Variants in ADCY5 observed in about 807,000 individuals in gnomAD.
ADCY5 encodes the protein adenylate cyclase 5, also known as adenylate cyclase type 5.
Under a neutral mutation model 119.7 loss-of-function variants are expected in ADCY5, and 30 were observed. The ratio of observed to expected loss-of-function variants is 0.25; its 90% CI spans 0.19 to 0.34. The LOEUF is 0.34. Among genes scored for constraint, ADCY5 ranks in the 10% least tolerant of loss-of-function variants. The pLI is 1.00. For missense variants in ADCY5, 1,324 were observed against 1,775.2 expected, an observed-to-expected ratio of 0.75 and a Z score of 4.57; for synonymous variants, 753 against 762.2, an observed-to-expected ratio of 0.99 and a Z score of 0.20.
At chr3:123,437,172 C>A (rs539374135) in intron 1 of ADCY5, among the ~76,000 whole-genome samples, 1 of 152,214 alleles carries the variant, frequency 6.6e-6, no homozygotes, top group East Asian at 1.9e-4. Context: ...GCAGAGAGTT[C>A]TAGGAGACCA....
At chr3:123,430,450 A>G (rs1945500627) in intron 1 of ADCY5, among the ~76,000 whole-genome samples, 3 of 152,144 alleles carry the variant, frequency 2.0e-5, no homozygotes, top group Admixed American at 2.0e-4. Context: ...ACTGTCTGCC[A>G]GTGAAATCAC....
At chr3:123,443,470 G>A (rs929699983) in intron 1 of ADCY5, among the ~76,000 whole-genome samples, 4 of 151,916 alleles carry the variant, frequency 2.6e-5, no homozygotes, top group Non-Finnish European at 4.4e-5. Context: ...ATGCGCACGT[G>A]CTCACGTACA....
intron 12 of ADCY5, among the ~76,000 whole-genome samples, chr3:123,304,916 A>G (rs1004842646): frequency 6.6e-6 from 1 of 152,112 alleles, no homozygotes; most frequent in East Asian, 1.9e-4. Flanking sequence ...CTCCCATGCA[A>G]CCTAGGCTGA....
chr3:123,377,613 G>A (rs1943880825), intron 1 of ADCY5, among the ~76,000 whole-genome samples: 1 of 147,866 alleles, frequency 6.8e-6, no homozygotes, highest in African/African-American at 2.4e-5. Flanking sequence ...TGAGGGCAAG[G>A]CCTGTTCTGC....
chr3:123,376,889 G>A (rs1418345594), intron 1 of ADCY5, among the ~76,000 whole-genome samples: 2 of 152,184 alleles, frequency 1.3e-5, no homozygotes, highest in Non-Finnish European at 2.9e-5. Context: ...CCAAGAACTA[G>A]GTTTTGTATT....
At chr3:123,321,546 T>C (rs1273889820) in intron 8 of ADCY5, among the ~76,000 whole-genome samples, 1 of 152,108 alleles carries the variant, frequency 6.6e-6, no homozygotes, top group Non-Finnish European at 1.5e-5. Flanking sequence ...GGGTGGAATC[T>C]CAGAGGTGGT....
chr3:123,321,936 G>A (rs570420856), intron 8 of ADCY5, among the ~76,000 whole-genome samples: 58 of 152,286 alleles, frequency 3.8e-4, no homozygotes, highest in Non-Finnish European at 2.8e-4. Context: ...TGCCAGCACC[G>A]GCCCAGGATG....
chr3:123,438,600 T>C (rs1033416474), intron 1 of ADCY5, among the ~76,000 whole-genome samples: 8 of 152,284 alleles, frequency 5.3e-5, no homozygotes, highest in South Asian at 2.1e-4. Context: ...CCCTGCCCCA[T>C]AGCAGGCTCA....
chr3:123,421,654 A>G (rs898014006), intron 1 of ADCY5, among the ~76,000 whole-genome samples: 2 of 152,150 alleles, frequency 1.3e-5, no homozygotes, highest in African/African-American at 4.8e-5. Context: ...GTGGGCAAGT[A>G]AAGAGTAAAG....
At chr3:123,391,389 G>A (rs1450365098) in intron 1 of ADCY5, among the ~76,000 whole-genome samples, 2 of 152,162 alleles carry the variant, frequency 1.3e-5, no homozygotes, top group African/African-American at 4.8e-5. Flanking sequence ...GGCAAGTGCA[G>A]CTTGGACAAA....
chr3:123,448,234 C>T lies in ADCY5; in HGVS notation c.312G>A (p.Gln104=). 9 of 1,416,366 alleles carry T rather than the reference C, an allele frequency of 6.4e-6. No individual in the cohort carries two copies. Among genetic ancestry groups the T allele is most frequent in the Non-Finnish European group, 7.4e-6 (8 of 1,086,274 alleles). 87.7% of individuals were successfully genotyped at this position (1,416,366 alleles called of 1,614,324 possible). A position where few individuals can be genotyped will look rare whatever the true frequency, so the allele number is the denominator to read the frequency against. ...GFSFRSKSAW[Q]ERGGDDCGRG... ...GACCGCAGTCGTCGCCGCCGCGCTC[C>T]TGCCAGGCGGACTTGGAGCGGAAGC... Residue 104 remains glutamine (Q), a synonymous_variant, in exon 1 of 21, where the codon CAG becomes CAA. Coordinates refer to ENST00000462833, the MANE Select transcript of ADCY5 (RefSeq NM_183357.3).
At chr3:123,386,182 G>A (rs1305802569) in intron 1 of ADCY5, among the ~76,000 whole-genome samples, 1 of 152,206 alleles carries the variant, frequency 6.6e-6, no homozygotes, top group East Asian at 1.9e-4. Context: ...GGACAGGAGG[G>A]CACAGGGCCA....
intron 1 of ADCY5, among the ~76,000 whole-genome samples, chr3:123,354,204 G>T (rs1942957955): frequency 6.6e-6 from 1 of 152,200 alleles, no homozygotes; most frequent in Non-Finnish European, 1.5e-5. Flanking sequence ...CAATCTACTT[G>T]AAGAGTGTTA....
chr3:123,297,511 T>C, intron 15 of ADCY5, 129 bp from the exon 16 acceptor site: 2 of 1,029,718 alleles, frequency 1.9e-6, no homozygotes, highest in Non-Finnish European at 3.0e-6. Flanking sequence ...CCAGCCCCAT[T>C]CACCCTCCAT....
chr3:123,362,294 A>G (rs1435394281), intron 1 of ADCY5, among the ~76,000 whole-genome samples: 4 of 152,138 alleles, frequency 2.6e-5, no homozygotes, highest in African/African-American at 7.2e-5. Context: ...GGGGGTTCCA[A>G]TGTCTCCACA....
chr3:123,371,047 G>A (rs1197944867), intron 1 of ADCY5, among the ~76,000 whole-genome samples: 1 of 152,226 alleles, frequency 6.6e-6, no homozygotes, highest in African/African-American at 2.4e-5. Flanking sequence ...AGACAGAGGG[G>A]CTGATTCTCA....
Position 123,318,086 on chromosome 3 carries a change from G to A in ADCY5, c.2288C>T (p.Ala763Val). 1 of 1,613,762 alleles carries A rather than the reference G, an allele frequency of 6.2e-7. No individual in the cohort carries two copies. Among genetic ancestry groups the A allele is most frequent in the Non-Finnish European group, 8.5e-7 (1 of 1,179,902 alleles). The change falls in exon 11 of 21, where the codon GCC becomes GTC. Residue 763 changes from alanine (A) to valine (V), a missense_variant. Physicochemically the swap from Ala to Val is moderately conservative, Grantham distance 64. Coordinates refer to ENST00000462833, the MANE Select transcript of ADCY5 (RefSeq NM_183357.3). ...GACGAGCGAGGCACACGCCACATAG[G>A]CACCAAATCGGTCGTCTACCTGCTT... ...YSKQVDDRFG[A>V]YVACASLVFL...
At chr3:123,342,262 T>C (rs1166011197) in intron 3 of ADCY5, among the ~76,000 whole-genome samples, 1 of 152,192 alleles carries the variant, frequency 6.6e-6, no homozygotes, top group Non-Finnish European at 1.5e-5. Flanking sequence ...TCGGACATTG[T>C]CGCGTGGTCA....
At chr3:123,302,534 G>T (rs1371948838) in intron 14 of ADCY5, among the ~76,000 whole-genome samples, 4 of 152,140 alleles carry the variant, frequency 2.6e-5, no homozygotes, top group Non-Finnish European at 5.9e-5. Flanking sequence ...TGGGGCTTAG[G>T]TGGGTTCTCC....
Sources: gnomAD v4.1 joint callset for allele counts (sites outside exome capture counted in the v4.1 genomes callset) on GRCh38, gnomAD v4.1.1 for gene constraint, MANE v1.5 for transcripts, NCBI Gene and HGNC (gene_info 2026-07-23, HGNC 2026-07-21) for gene names.